ADAMTS3: variants seen among roughly 807,000 people sequenced by gnomAD.
The protein encoded by ADAMTS3 is A disintegrin and metalloproteinase with thrombospondin motifs 3.
A neutral mutation model predicts 129.0 loss-of-function variants in ADAMTS3; 73 were observed. The ratio of observed to expected loss-of-function variants is 0.57; its 90% CI spans 0.47 to 0.69. ADAMTS3 has a LOEUF of 0.69. ADAMTS3 is among the 30% of genes least tolerant of loss of function. ADAMTS3 has a pLI of 0.00. For missense variants in ADAMTS3, 1,457 were observed against 1,514.5 expected (o/e 0.96, Z 0.63); for synonymous variants, 477 against 510.8 (o/e 0.93, Z 0.89).
At chr4:72,429,878 T>C (rs1385284332) in intron 3 of ADAMTS3, among the ~76,000 whole-genome samples, 2 of 152,002 alleles carry the variant, frequency 1.3e-5, no homozygotes, top group African/African-American at 2.4e-5. Flanking sequence ...TCCTGGACAG[T>C]GTTTTTCAAA....
chr4:72,560,302 T>A (rs1236716599), intron 2 of ADAMTS3, among the ~76,000 whole-genome samples: 1 of 150,658 alleles, frequency 6.6e-6, no homozygotes, highest in Non-Finnish European at 1.5e-5. Flanking sequence ...AAAGATTTCA[T>A]AACAAAATCA....
At chr4:72,559,063 AGAGGAAAAATGAGAAAGATAC>A (rs754023120) in intron 2 of ADAMTS3, among the ~76,000 whole-genome samples, 19 of 151,830 alleles carry the variant, frequency 1.3e-4, no homozygotes, top group Admixed American at 6.5e-4. Context: ...AAACCAATAC[AGAGGAAAAATGAGAAAGATAC>A]AAGGAAAAAG....
At chr4:72,353,251 G>A (rs558293178) in intron 4 of ADAMTS3, among the ~76,000 whole-genome samples, 188 of 152,044 alleles carry the variant, frequency 1.2e-3, no homozygotes, top group Non-Finnish European at 2.4e-3. Context: ...GTCATCATTC[G>A]TTCTAACCTC....
chr4:72,546,988 T>C (rs181127912), intron 3 of ADAMTS3, among the ~76,000 whole-genome samples: 6 of 152,224 alleles, frequency 3.9e-5, no homozygotes, highest in Admixed American at 3.9e-4. Context: ...ACAAGCTGGG[T>C]TTGTTACACG....
At chr4:72,346,385 C>T (rs893292741) in intron 4 of ADAMTS3, among the ~76,000 whole-genome samples, 4 of 152,036 alleles carry the variant, frequency 2.6e-5, no homozygotes, top group African/African-American at 9.7e-5. Flanking sequence ...TCTTTTATAC[C>T]TAGTTTTCAA....
chr4:72,335,549 C>T (rs761302383), intron 5 of ADAMTS3, among the ~76,000 whole-genome samples: 119 of 152,164 alleles, frequency 7.8e-4, no homozygotes, highest in Non-Finnish European at 1.5e-3. Context: ...CTTAAACGTT[C>T]TAAGCCAGTT....
At chr4:72,311,021 G>C in intron 14 of ADAMTS3, 27 bp downstream of exon 14, 5 of 1,566,956 alleles carry the variant, frequency 3.2e-6, no homozygotes, top group Non-Finnish European at 4.3e-6. Context: ...AACGTAGAAA[G>C]CCTTTGGGGA....
chr4:72,515,034 G>A (rs971123415), intron 3 of ADAMTS3, among the ~76,000 whole-genome samples: 2 of 151,722 alleles, frequency 1.3e-5, no homozygotes, highest in African/African-American at 2.4e-5. Context: ...CCCTTCCTGT[G>A]TCCATGTGTT....
At chr4:72,300,654 G>A (rs1718926461) in intron 17 of ADAMTS3, among the ~76,000 whole-genome samples, 2 of 152,092 alleles carry the variant, frequency 1.3e-5, no homozygotes, top group Admixed American at 1.3e-4. Flanking sequence ...CATTGTGATG[G>A]TTTAAGAAAT....
intron 4 of ADAMTS3, among the ~76,000 whole-genome samples, chr4:72,404,198 C>T (rs575445474): frequency 6.6e-6 from 1 of 151,980 alleles, no homozygotes; most frequent in East Asian, 1.9e-4. Flanking sequence ...CCACAGAGGA[C>T]CCTTGGTAGC....
intron 4 of ADAMTS3, among the ~76,000 whole-genome samples, chr4:72,412,622 A>G (rs1344468601): frequency 6.6e-6 from 1 of 152,068 alleles, no homozygotes; most frequent in African/African-American, 2.4e-5. Context: ...ACTTAATTCA[A>G]TCAGAACTTC....
intron 4 of ADAMTS3, among the ~76,000 whole-genome samples, chr4:72,379,171 C>T (rs1423646350): frequency 6.6e-6 from 1 of 152,062 alleles, no homozygotes; most frequent in Admixed American, 6.6e-5. Flanking sequence ...ACAGGCTCTG[C>T]CCACACTCAG....
intron 3 of ADAMTS3, among the ~76,000 whole-genome samples, chr4:72,510,385 A>T (rs1720280869): frequency 6.6e-6 from 1 of 152,076 alleles, no homozygotes; most frequent in Admixed American, 6.6e-5. Context: ...TAAACACTCC[A>T]CCAAAAAACT....
intron 3 of ADAMTS3, among the ~76,000 whole-genome samples, chr4:72,526,220 G>A (rs1054441325): frequency 1.3e-5 from 2 of 152,184 alleles, no homozygotes; most frequent in African/African-American, 2.4e-5. Context: ...AGTTGGCAGA[G>A]AGAGTCCAGG....
intron 9 of ADAMTS3, among the ~76,000 whole-genome samples, 190 bp downstream of exon 9, chr4:72,319,142 A>T (rs2304364): frequency 1.3e-5 from 2 of 152,286 alleles, no homozygotes; most frequent in South Asian, 2.1e-4. Flanking sequence ...CTTATATTCT[A>T]GACTTATGGC....
intron 3 of ADAMTS3, among the ~76,000 whole-genome samples, chr4:72,528,751 C>A (rs554561563): frequency 4.6e-5 from 7 of 152,154 alleles, no homozygotes; most frequent in African/African-American, 1.7e-4. Flanking sequence ...CTGAAAACAT[C>A]AAAGAAAAGC....
intron 4 of ADAMTS3, among the ~76,000 whole-genome samples, chr4:72,397,767 G>A (rs75645962): frequency 0.045 from 6,843 of 152,152 alleles, 170 homozygotes; most frequent in Non-Finnish European, 0.052. Flanking sequence ...GATATCTAAA[G>A]AGGCTTCCTA....
rs1422799392 is a variant in ADAMTS3, at chr4:72,315,925, T to C, written c.1532A>G (p.Asp511Gly). The C allele has an allele frequency of 6.2e-7, 1 of 1,613,580 alleles. No homozygotes were observed. Among genetic ancestry groups the C allele is most frequent in the Non-Finnish European group, 8.5e-7 (1 of 1,179,738 alleles). ...TTTAGTCTTACAAAAGTAGGGATTA[T>C]CAGGATGGCTACACCACAGCTGTTT... The part of the protein sequence containing the change: ...PCKQLWCSHP[D>G]NPYFCKTKKG... Residue 511 changes from aspartate to glycine, a missense_variant, in exon 11 of 22, where the codon GAT (aspartate) becomes GGT (glycine). Physicochemically the swap from Asp to Gly is moderately conservative, Grantham distance 94 (BLOSUM62 -1). Transcript: ENST00000286657.
At chr4:72,516,586 C>A (rs544023666) in intron 3 of ADAMTS3, among the ~76,000 whole-genome samples, 4 of 152,028 alleles carry the variant, frequency 2.6e-5, no homozygotes, top group African/African-American at 9.7e-5. Flanking sequence ...GTATTTTATT[C>A]TCTTTGAAGG....
Sources: allele counts gnomAD v4.1 joint callset (sites outside exome capture counted in the v4.1 genomes callset), GRCh38; gene constraint gnomAD v4.1.1; transcripts MANE v1.5; gene names NCBI Gene and HGNC (gene_info 2026-07-23, HGNC 2026-07-21).